The following ERCC2 variants were observed in gnomAD, a reference collection of about 807,000 sequenced individuals.
ERCC2 encodes ERCC excision repair 2, TFIIH core complex helicase subunit, also known as general transcription and DNA repair factor IIH helicase subunit XPD.
Under a neutral mutation model 99.4 loss-of-function variants are expected in ERCC2, and 90 were observed. That is an observed-to-expected ratio of 0.91 (90% CI 0.76 to 1.08). The LOEUF is 1.08. Among genes scored for constraint, ERCC2 ranks in the 50% least tolerant of loss-of-function variants. The pLI is 0.00. For missense variants in ERCC2, 993 were observed against 1,038.1 expected, an observed-to-expected ratio of 0.96 and a Z score of 0.60; for synonymous variants, 497 against 432.4, an observed-to-expected ratio of 1.15 and a Z score of -1.85.
In ERCC2 at chr19:45,350,257, T is replaced by C. The variant is rs1205597646; in HGVS notation, c.*1372A>G. ...GGCAACATACCAAGACCCCTGTCTCTACAAAAAAAAAAAAAAAGGCGGGAC... is the reference window on the plus strand; with the variant it reads ...GGCAACATACCAAGACCCCTGTCTCCACAAAAAAAAAAAAAAAGGCGGGAC... On this transcript the variant is annotated 3_prime_UTR_variant, in exon 23 of 23. Transcript: ENST00000391945. 2.1e-6 allele frequency: 2 copies of C among 945,476 alleles called. No homozygotes were observed. The highest frequency in any genetic ancestry group is 3.0e-6 in the Non-Finnish European group (2 of 660,434). The allele number at this position is 945,476 out of a possible 1,614,324, so 58.6% of individuals were successfully genotyped here.
In ERCC2 at chr19:45,369,046, T is replaced by C; in HGVS notation, c.183+24A>G. The C allele has an allele frequency of 1.9e-6, 3 of 1,614,086 alleles. No individual in the cohort carries two copies. The South Asian group carries it at 3.3e-5, about 18-fold the overall frequency. ...GTCCCGCCCCTTCCTTTGTCTGCCT[T>C]TACGGGTTCAGCGCATCACTCACTC... On this transcript the variant is annotated intron_variant, in intron 3 of 22. Coordinates refer to ENST00000391945, the MANE Select transcript of ERCC2 (RefSeq NM_000400.4).
rs1271721824 is a variant in ERCC2 at position 45,350,465 on chromosome 19, G to C, written c.*1164C>G. 2 of 1,613,364 alleles carry C rather than the reference G, an allele frequency of 1.2e-6. No individual in the cohort carries two copies. The highest frequency in any genetic ancestry group is 1.7e-6 in the Non-Finnish European group (2 of 1,179,536). On this transcript the variant is annotated 3_prime_UTR_variant, in exon 23 of 23. Transcript: ENST00000391945. Reference sequence around the variant, plus strand: ...CTAGCCCCTGTCTGTCTTCCCTCCTGGTGGCTTCTCTATGTCCCCATCTCA... The same window carrying C: ...CTAGCCCCTGTCTGTCTTCCCTCCTCGTGGCTTCTCTATGTCCCCATCTCA...
intron 12 of ERCC2, chr19:45,358,758 A>G (rs1313530998): frequency 2.6e-6 from 2 of 755,158 alleles, no homozygotes; most frequent in Non-Finnish European, 4.9e-6. Context: ...ACAACAATGT[A>G]TTTTTTTTCA....
chr19:45,368,381 C>T (rs1393766013), intron 5 of ERCC2, among the ~76,000 whole-genome samples: 8 of 152,158 alleles, frequency 5.3e-5, no homozygotes, highest in Admixed American at 3.3e-4. Flanking sequence ...GGAAACCAGG[C>T]TTGCCAGAGA....
At position 45,364,545 on chromosome 19, in the gene ERCC2, G is replaced by C. The variant is rs1799791; in HGVS notation, c.597C>G (p.Ile199Met). The C allele has an allele frequency of 6.2e-7, 1 of 1,612,930 alleles. No individual in the cohort carries two copies. Among genetic ancestry groups the C allele is most frequent in the Non-Finnish European group, 8.5e-7 (1 of 1,179,992 alleles). The change falls in exon 8 of 23, where the codon ATC becomes ATG. Residue 199 changes from isoleucine (I) to methionine (M), a missense_variant and splice_region_variant. By Grantham distance (10) the Ile-to-Met change is conservative. Around this residue, in one of 3 missense-constraint regions of ERCC2, gnomAD observed 909 missense variants for 930.8 expected, o/e 0.98. Coordinates refer to ENST00000391945, the MANE Select transcript of ERCC2 (RefSeq NM_000400.4). ...WCPYFLARYS[I>M]LHANVVVYSY... The stretch of plus-strand genomic sequence containing the variant: ...TATAAACCACCACATTGGCATGCAG[G>C]ATCTGGGGGGCCGGGGAGCAGGGTT...
chr19:45,364,185 A>G (rs1568542188), intron 9 of ERCC2, 50 bp downstream of exon 9: 1 of 1,611,188 alleles, frequency 6.2e-7, no homozygotes, highest in East Asian at 2.2e-5. Flanking sequence ...GACAGGGGCC[A>G]GGGTCCCAGG....
rs772590907 is a variant in ERCC2, at chr19:45,364,328, T to C, written c.722A>G (p.Asn241Ser). Residue 241 changes from asparagine (N) to serine (S), a missense_variant, in exon 9 of 23, where the codon AAC (asparagine) becomes AGC (serine). Physicochemically the swap from Asn to Ser is conservative, Grantham distance 46. This residue lies in a region of ERCC2 where 909 missense variants were observed against 930.8 expected (regional missense o/e 0.98). Transcript: ENST00000391945. ...VVFDEAHNID[N>S]VCIDSMSVNL... ...GACGCTCATGGAGTCGATGCAGACG[T>C]TGTCTGGAGAAGGGGGAGAGAGCCG... is the stretch of plus-strand genomic sequence containing the variant. 6.2e-7 allele frequency: 1 copy of C among 1,613,876 alleles called. No homozygotes were observed. The highest frequency in any genetic ancestry group is 1.3e-5 in the African/African-American group (1 of 75,008).
Position 45,351,006 on chromosome 19 carries a change from C to A in ERCC2, c.*623G>T. 1 of 1,614,032 alleles carries A rather than the reference C, an allele frequency of 6.2e-7. No individual in the cohort carries two copies. Among genetic ancestry groups the A allele is most frequent in the Non-Finnish European group, 8.5e-7 (1 of 1,180,006 alleles). ...ACTGAACGTGGATGCTCCAAGGGCTCCTGGGACTCAGGTGAGGGGGACATC... is the reference window on the plus strand; with the variant it reads ...ACTGAACGTGGATGCTCCAAGGGCTACTGGGACTCAGGTGAGGGGGACATC... On this transcript the variant is annotated 3_prime_UTR_variant, in exon 23 of 23. Transcript: ENST00000391945.
chr19:45,370,314 G>A lies in ERCC2; in HGVS notation c.6-82C>T, dbSNP rs977047579. ...ACAGTGCCCGGTCGTCGAGCCCAGA[G>A]AAGGGTGACGGGCCCGGCGCCCCCG... is the stretch of plus-strand genomic sequence containing the variant. On this transcript the variant is annotated intron_variant, in intron 1 of 22. Transcript: ENST00000391945. The A allele has an allele frequency of 3.8e-6, 6 of 1,570,774 alleles. No individual in the cohort carries two copies. In the African/African-American group the frequency reaches 8.1e-5, roughly 21 times the overall value.
Position 45,351,100 on chromosome 19 carries a change from G to A in ERCC2, c.*529C>T, listed in dbSNP as rs1971743011. 3.7e-6 allele frequency: 6 copies of A among 1,610,106 alleles called. No individual in the cohort carries two copies. Among genetic ancestry groups the A allele is most frequent in the Non-Finnish European group, 5.1e-6 (6 of 1,178,008 alleles). ...AGGCAAAGGCAGGGCGGTCGGGCCA[G>A]TGGTGGAGTCAGCAGGTGGTGGGTT... On this transcript the variant is annotated 3_prime_UTR_variant, in exon 23 of 23. Coordinates refer to ENST00000391945, the MANE Select transcript of ERCC2 (RefSeq NM_000400.4).
In ERCC2 at chr19:45,364,486, T is replaced by A. The variant is rs1468330154; in HGVS notation, c.656A>T (p.Asp219Val). 1 of 1,613,774 alleles carries A rather than the reference T, an allele frequency of 6.2e-7. No homozygotes were observed. The highest frequency in any genetic ancestry group is 8.5e-7 in the Non-Finnish European group (1 of 1,179,944). Residue 219 changes from aspartate to valine, a missense_variant, in exon 8 of 23, where the codon GAC (aspartate) becomes GTC (valine). Asp to Val is a radical substitution (Grantham distance 152). Around this residue, in one of 3 missense-constraint regions of ERCC2, gnomAD observed 909 missense variants for 930.8 expected, o/e 0.98. Coordinates refer to ENST00000391945, the MANE Select transcript of ERCC2 (RefSeq NM_000400.4). Reference sequence around the variant, plus strand: ...GCGGGCCAGTTCCTTGGACACCAGGTCTGCAATCTTGGGGTCCAGGAGGTA... The same window carrying A: ...GCGGGCCAGTTCCTTGGACACCAGGACTGCAATCTTGGGGTCCAGGAGGTA... ...YHYLLDPKIA[D>V]LVSKELARKA...
chr19:45,352,440 TGAACGG>T, intron 21 of ERCC2, 60 bp downstream of exon 21: 3 of 1,613,864 alleles, frequency 1.9e-6, no homozygotes, highest in Non-Finnish European at 2.5e-6. Context: ...ACCTGGGAAA[TGAACGG>T]GAAACAGCCT....
Position 45,368,669 on chromosome 19 carries a change from C to G in ERCC2, c.321G>C (p.Leu107=). Residue 107 remains leucine (L), a synonymous_variant, in exon 5 of 23, where the codon CTG becomes CTC. Coordinates refer to ENST00000391945, the MANE Select transcript of ERCC2 (RefSeq NM_000400.4). ...ACAAGTTTTTGCGGGAGCTCAGAGC[C>G]AGTCCCAGAAACGGCAGCTTCTCGC... is the stretch of plus-strand genomic sequence containing the variant. The part of the protein sequence containing the change: ...QEGEKLPFLG[L]ALSSRKNLCI... 1 of 1,614,166 alleles carries G rather than the reference C, an allele frequency of 6.2e-7. No homozygotes were observed. Among genetic ancestry groups the G allele is most frequent in the East Asian group, 2.2e-5 (1 of 44,886 alleles).
intron 17 of ERCC2, among the ~76,000 whole-genome samples, chr19:45,353,680 C>T (rs1971910947): frequency 1.3e-5 from 2 of 152,164 alleles, no homozygotes; most frequent in Non-Finnish European, 2.9e-5. Flanking sequence ...ACAATAGAGA[C>T]AGTGTGGAGC....
chr19:45,367,812 C>T (rs971017167), intron 5 of ERCC2, among the ~76,000 whole-genome samples: 7 of 151,960 alleles, frequency 4.6e-5, no homozygotes, highest in African/African-American at 1.7e-4. Flanking sequence ...CATGCCCAGC[C>T]AAGTACAATG....
At chr19:45,353,529 G>A (rs1971903520) in intron 17 of ERCC2, among the ~76,000 whole-genome samples, 195 bp from the exon 18 acceptor site, 1 of 152,298 alleles carries the variant, frequency 6.6e-6, no homozygotes, top group African/African-American at 2.4e-5. Context: ...ACCAATCATT[G>A]CTGGATAAGT....
At chr19:45,358,460 G>A (rs1161409868) in intron 12 of ERCC2, 6 of 278,724 alleles carry the variant, frequency 2.2e-5, no homozygotes, top group East Asian at 1.7e-4. Flanking sequence ...TCCCCTGCTC[G>A]CTTCACGGCA....
intron 12 of ERCC2, chr19:45,359,057 G>T: frequency 1.6e-6 from 1 of 608,622 alleles, no homozygotes; most frequent in Non-Finnish European, 2.9e-6. Flanking sequence ...TCCAGTAGGA[G>T]ACAGACTTGT....
intron 12 of ERCC2, among the ~76,000 whole-genome samples, chr19:45,359,481 G>A (rs1432480104): frequency 6.6e-6 from 1 of 152,196 alleles, no homozygotes; most frequent in Non-Finnish European, 1.5e-5. Context: ...GAGGCAGACT[G>A]AGCCCCTGGT....
Sources: allele counts gnomAD v4.1 joint callset (sites outside exome capture counted in the v4.1 genomes callset), GRCh38; gene constraint gnomAD v4.1.1; regional missense constraint gnomAD v4.1.1; transcripts MANE v1.5; gene names NCBI Gene and HGNC (gene_info 2026-07-23, HGNC 2026-07-21).